Variants in SYNPR observed in about 807,000 individuals in gnomAD.
SYNPR encodes the protein synaptoporin.
In SYNPR, 23 loss-of-function variants were observed where a neutral mutation model predicts 32.9. That is an observed-to-expected ratio of 0.70 (90% CI 0.50 to 0.99). SYNPR has a LOEUF of 0.99. Among genes scored for constraint, SYNPR ranks in the 50% least tolerant of loss-of-function variants. The pLI is 0.00. For missense variants in SYNPR, 318 were observed against 349.3 expected (o/e 0.91, Z 0.71); for synonymous variants, 146 against 135.9 (o/e 1.07, Z -0.52).
chr3:63,321,361 TTC>T (rs948471440), intron 2 of SYNPR, among the ~76,000 whole-genome samples: 9 of 152,164 alleles, frequency 5.9e-5, no homozygotes, highest in African/African-American at 2.2e-4. Flanking sequence ...GTATGTTTTA[TTC>T]TCTCTCTATT....
At chr3:63,518,839 G>A (rs749195826) in intron 3 of SYNPR, among the ~76,000 whole-genome samples, 1 of 152,034 alleles carries the variant, frequency 6.6e-6, no homozygotes, top group Non-Finnish European at 1.5e-5. Flanking sequence ...TATACCCAAG[G>A]AATATAAATT....
intron 2 of SYNPR, among the ~76,000 whole-genome samples, chr3:63,456,701 C>A (rs1700489550): frequency 6.6e-6 from 1 of 152,048 alleles, no homozygotes; most frequent in Admixed American, 6.6e-5. Context: ...TTAACCACTG[C>A]ACAAACTCTT....
intron 1 of SYNPR, among the ~76,000 whole-genome samples, chr3:63,234,198 G>A (rs1173807773): frequency 6.6e-6 from 1 of 152,150 alleles, no homozygotes; most frequent in Non-Finnish European, 1.5e-5. Context: ...CAGACAAAGA[G>A]AGAGAGCTTG....
intron 4 of SYNPR, 121 bp downstream of exon 4, chr3:63,556,862 T>C (rs945960708): frequency 2.1e-5 from 20 of 963,372 alleles, no homozygotes; most frequent in Non-Finnish European, 2.7e-5. Flanking sequence ...AATCACATTC[T>C]TTTTTATCCA....
At chr3:63,544,562 C>A (rs1049304020) in intron 3 of SYNPR, among the ~76,000 whole-genome samples, 2 of 152,046 alleles carry the variant, frequency 1.3e-5, no homozygotes, top group Non-Finnish European at 1.5e-5. Flanking sequence ...CTACCCTGAG[C>A]ATTTAGTGAA....
At chr3:63,376,099 G>T (rs2087892233) in intron 2 of SYNPR, among the ~76,000 whole-genome samples, 1 of 151,930 alleles carries the variant, frequency 6.6e-6, no homozygotes, top group Admixed American at 6.6e-5. Context: ...AACTTTTTGG[G>T]CCCATCTGAA....
At chr3:63,443,829 C>G (rs1050486523) in intron 2 of SYNPR, among the ~76,000 whole-genome samples, 8 of 152,154 alleles carry the variant, frequency 5.3e-5, no homozygotes, top group African/African-American at 1.9e-4. Flanking sequence ...CATTGTGCTG[C>G]AACCTGCTTA....
chr3:63,310,201 C>T (rs2086950054), intron 2 of SYNPR, among the ~76,000 whole-genome samples: 1 of 151,928 alleles, frequency 6.6e-6, no homozygotes, highest in South Asian at 2.1e-4. Context: ...TCTCTCTCAC[C>T]TTTGGTCTCC....
rs2087481382 is a variant in SYNPR, at chr3:63,349,742, C to T, written c.84+71000C>T. Among the ~76,000 whole-genome samples the T allele has an allele frequency of 3.3e-5, 5 of 151,966 alleles. No individual in the cohort carries two copies. The South Asian group carries it at 1.0e-3, about 32-fold the overall frequency. On this transcript the variant is annotated intron_variant, in intron 2 of 5. Transcript: ENST00000478300. ...TTCTGTTATCTGGAGAATCCAAGTT[C>T]CTTCTACTCATTTTGAGCATCAACT...
chr3:63,466,604 T>A (rs1559507501), intron 2 of SYNPR, among the ~76,000 whole-genome samples: 1 of 152,150 alleles, frequency 6.6e-6, no homozygotes, highest in Non-Finnish European at 1.5e-5. Flanking sequence ...GTTAGCCAGC[T>A]CAGGCTGCTA....
chr3:63,310,719 T>TG (rs376100385), intron 2 of SYNPR, among the ~76,000 whole-genome samples: 6 of 152,036 alleles, frequency 3.9e-5, no homozygotes, highest in Non-Finnish European at 7.4e-5. Flanking sequence ...GAGGTTACTG[T>TG]GGGGGCACTA....
At chr3:63,374,854 T>C (rs1165411608) in intron 2 of SYNPR, among the ~76,000 whole-genome samples, 4 of 152,200 alleles carry the variant, frequency 2.6e-5, no homozygotes, top group African/African-American at 9.6e-5. Flanking sequence ...CCTTCCCCAT[T>C]GCTTGTTTTT....
At chr3:63,557,210 A>T (rs1472279900) in intron 4 of SYNPR, among the ~76,000 whole-genome samples, 1 of 152,214 alleles carries the variant, frequency 6.6e-6, no homozygotes, top group Non-Finnish European at 1.5e-5. Context: ...CATATGAGTG[A>T]AATCAATATA....
At chr3:63,367,369 A>ATTTC (rs2087739126) in intron 2 of SYNPR, among the ~76,000 whole-genome samples, 1 of 151,750 alleles carries the variant, frequency 6.6e-6, no homozygotes, top group South Asian at 2.1e-4. Flanking sequence ...TTATTTATTT[A>ATTTC]TTTAATTTTA....
At chr3:63,595,714 ATT>A (rs59324330) in intron 4 of SYNPR, among the ~76,000 whole-genome samples, 1,020 of 33,214 alleles carry the variant, frequency 0.031, 60 homozygotes, top group Middle Eastern at 0.12. Flanking sequence ...TCTGAATCTT[ATT>A]TTATATATAT....
In SYNPR at chr3:63,313,998, T is replaced by C; in HGVS notation, c.84+35256T>C. Among the ~76,000 whole-genome samples the C allele has an allele frequency of 5.8e-5, 2 of 34,570 alleles. 1 individual carries two copies. The highest frequency in any genetic ancestry group is 8.5e-4 in the Admixed American group (2 of 2,354). 22.7% of individuals were successfully genotyped at this position (34,570 alleles called of 152,430 possible). On this transcript the variant is annotated intron_variant, in intron 2 of 5. Transcript: ENST00000478300. The stretch of plus-strand genomic sequence containing the variant: ...CCATATATATATATATCCATATATA[T>C]ATATATCCATATATATATATCCATA...
At chr3:63,467,478 T>C (rs1313241071) in intron 2 of SYNPR, among the ~76,000 whole-genome samples, 2 of 152,260 alleles carry the variant, frequency 1.3e-5, no homozygotes, top group African/African-American at 4.8e-5. Flanking sequence ...CTGTGTGGCC[T>C]TGGATAAATC....
intron 2 of SYNPR, among the ~76,000 whole-genome samples, chr3:63,440,426 A>T (rs2107158455): frequency 6.6e-6 from 1 of 152,294 alleles, no homozygotes; most frequent in Admixed American, 6.5e-5. Context: ...CAGATGAGTG[A>T]TATGATCTAA....
chr3:63,314,099 C>CCATATATATATATATCCATATAT (rs1560189224), intron 2 of SYNPR, among the ~76,000 whole-genome samples: 1 of 111,248 alleles, frequency 9.0e-6, no homozygotes, highest in Non-Finnish European at 1.9e-5. Flanking sequence ...ATATATATAT[C>CCATATATATATATATCCATATAT]ACAGTTTCTT....
Sources: gnomAD v4.1 joint callset for allele counts (sites outside exome capture counted in the v4.1 genomes callset) on GRCh38, gnomAD v4.1.1 for gene constraint, MANE v1.5 for transcripts, NCBI Gene and HGNC (gene_info 2026-07-23, HGNC 2026-07-21) for gene names.